The following METTL15 variants were observed in gnomAD, a reference collection of about 807,000 sequenced individuals.
METTL15 encodes the protein 12S rRNA N(4)-cytidine methyltransferase METTL15.
In METTL15, 34 loss-of-function variants were observed where a neutral mutation model predicts 38.3. That is an observed-to-expected ratio of 0.89 (90% CI 0.68 to 1.18). METTL15 has a LOEUF of 1.18. Among genes scored for constraint, METTL15 ranks in the 50% most tolerant of loss-of-function variants. METTL15 has a pLI of 0.00. For synonymous variants in METTL15, 162 were observed against 170.9 expected, an observed-to-expected ratio of 0.95 and a Z score of 0.41; for missense variants, 438 against 498.4, an observed-to-expected ratio of 0.88 and a Z score of 1.15.
chr11:28,242,710 T>C (rs1854351863), intron 4 of METTL15, among the ~76,000 whole-genome samples: 1 of 152,190 alleles, frequency 6.6e-6, no homozygotes, highest in Non-Finnish European at 1.5e-5. Context: ...TTAGGAAAGA[T>C]GACCTTAAAG....
At chr11:28,429,457 C>A (rs1359933301) in intron 6 of METTL15, among the ~76,000 whole-genome samples, 1 of 128,196 alleles carries the variant, frequency 7.8e-6, no homozygotes. Context: ...CGGCTCACTG[C>A]AACCTCCCTG....
At chr11:28,396,853 A>G (rs1266260946) in intron 5 of METTL15, among the ~76,000 whole-genome samples, 1 of 152,206 alleles carries the variant, frequency 6.6e-6, no homozygotes, top group Non-Finnish European at 1.5e-5. Context: ...CTACAAGGCT[A>G]CAGTAACCAA....
chr11:28,311,256 A>G (rs954422088), intron 6 of METTL15, among the ~76,000 whole-genome samples: 1 of 152,210 alleles, frequency 6.6e-6, no homozygotes, highest in Non-Finnish European at 1.5e-5. Flanking sequence ...TAAATATTCA[A>G]ATCATTCAAA....
chr11:28,195,134 A>G (rs1851863416), intron 3 of METTL15, among the ~76,000 whole-genome samples: 1 of 152,056 alleles, frequency 6.6e-6, no homozygotes, highest in Non-Finnish European at 1.5e-5. Flanking sequence ...CTATCTTTGC[A>G]ATTGCGAATT....
intron 4 of METTL15, among the ~76,000 whole-genome samples, chr11:28,275,395 A>G (rs773914179): frequency 6.6e-6 from 1 of 151,924 alleles, no homozygotes; most frequent in Non-Finnish European, 1.5e-5. Flanking sequence ...ACAACCTGAG[A>G]TTGAACAAGG....
intron 3 of METTL15, chr11:28,197,555 G>A (rs1157997917): frequency 1.6e-5 from 7 of 442,514 alleles, no homozygotes; most frequent in Non-Finnish European, 3.3e-5. Flanking sequence ...GAGAAGTTAA[G>A]TAACTTGCCT....
In METTL15 at chr11:28,331,844, C is replaced by A. The variant is rs1331970583; in HGVS notation, c.*1003C>A. On this transcript the variant is annotated 3_prime_UTR_variant, in exon 7 of 7. Coordinates refer to ENST00000407364, the MANE Select transcript of METTL15 (RefSeq NM_001113528.2). ...TTTATTATTTATACTTAAATTGTGA[C>A]CTGAAAGATGAGTTGGAGATAATTA... 6.6e-6 allele frequency: 1 copy of A among 151,846 alleles called. No homozygotes were observed. Among genetic ancestry groups the A allele is most frequent in the Non-Finnish European group, 1.5e-5 (1 of 67,968 alleles). The allele number at this position is 151,846 out of a possible 1,614,324, so 9.4% of individuals were successfully genotyped here. A position where few individuals can be genotyped will look rare whatever the true frequency, so the allele number is the denominator to read the frequency against.
intron 5 of METTL15, among the ~76,000 whole-genome samples, chr11:28,402,136 G>T (rs1466119641): frequency 6.6e-6 from 1 of 151,954 alleles, no homozygotes; most frequent in South Asian, 2.1e-4. Flanking sequence ...TCTCTGTTAG[G>T]GAATGTCACC....
intron 5 of METTL15, among the ~76,000 whole-genome samples, chr11:28,364,656 A>C (rs1564907245): frequency 1.3e-5 from 2 of 152,108 alleles, no homozygotes. Context: ...TTCTATTTCT[A>C]CTTGGATGCC....
chr11:28,511,146 A>G (rs898270038), intron 6 of METTL15, among the ~76,000 whole-genome samples: 4 of 152,182 alleles, frequency 2.6e-5, no homozygotes, highest in African/African-American at 9.7e-5. Context: ...TATTCAATGC[A>G]AGGATGGTAT....
intron 4 of METTL15, among the ~76,000 whole-genome samples, chr11:28,267,936 G>T (rs1036217927): frequency 6.6e-6 from 1 of 152,080 alleles, no homozygotes; most frequent in East Asian, 1.9e-4. Flanking sequence ...GGTGGCTCAC[G>T]CCTGTAATCC....
chr11:28,513,691 A>G (rs1851695443), intron 6 of METTL15, among the ~76,000 whole-genome samples: 1 of 152,264 alleles, frequency 6.6e-6, no homozygotes, highest in African/African-American at 2.4e-5. Context: ...TAGATATTCA[A>G]TTAACTAAAA....
At chr11:28,426,443 A>C (rs2133425457) in intron 6 of METTL15, among the ~76,000 whole-genome samples, 1 of 152,290 alleles carries the variant, frequency 6.6e-6, no homozygotes, top group East Asian at 1.9e-4. Context: ...TATACCCAGG[A>C]ATGGGATTGC....
intron 6 of METTL15, among the ~76,000 whole-genome samples, chr11:28,494,837 C>T (rs1220547335): frequency 6.6e-6 from 1 of 152,194 alleles, no homozygotes; most frequent in African/African-American, 2.4e-5. Context: ...GCCTCCCCAG[C>T]CATGTAGAAC....
At chr11:28,478,246 C>G (rs976706573) in intron 6 of METTL15, among the ~76,000 whole-genome samples, 2 of 152,100 alleles carry the variant, frequency 1.3e-5, no homozygotes, top group Admixed American at 6.6e-5. Context: ...TTCCTCTTAT[C>G]TTGGTAAAAA....
At chr11:28,123,957 AACAAC>A in intron 3 of METTL15, 1 of 1,090,816 alleles carries the variant, frequency 9.2e-7, no homozygotes, top group East Asian at 2.9e-5. Context: ...TATTAATAAT[AACAAC>A]ATAGAGTTGT....
intron 6 of METTL15, among the ~76,000 whole-genome samples, chr11:28,448,009 C>A (rs1172866684): frequency 6.6e-6 from 1 of 152,120 alleles, no homozygotes; most frequent in African/African-American, 2.4e-5. Flanking sequence ...CCCCTCCACT[C>A]TGTCCCCATG....
intron 6 of METTL15, among the ~76,000 whole-genome samples, chr11:28,425,626 C>T (rs1376726872): frequency 1.3e-5 from 2 of 152,146 alleles, no homozygotes; most frequent in African/African-American, 2.4e-5. Flanking sequence ...ATTTGGTTCC[C>T]GTACTAAGTG....
intron 6 of METTL15, among the ~76,000 whole-genome samples, chr11:28,465,995 C>T (rs894818416): frequency 6.6e-6 from 1 of 152,180 alleles, no homozygotes; most frequent in African/African-American, 2.4e-5. Flanking sequence ...TCTTTCTTCC[C>T]CTTCTTTCCT....
Sources: allele counts gnomAD v4.1 joint callset (sites outside exome capture counted in the v4.1 genomes callset), GRCh38; gene constraint gnomAD v4.1.1; transcripts MANE v1.5; gene names NCBI Gene and HGNC (gene_info 2026-07-23, HGNC 2026-07-21).